SRD5A2: variants seen among roughly 807,000 people sequenced by gnomAD.
The protein encoded by SRD5A2 is 3-oxo-5-alpha-steroid 4-dehydrogenase 2.
In SRD5A2, 30 loss-of-function variants were observed where a neutral mutation model predicts 27.4. The ratio of observed to expected loss-of-function variants is 1.10; its 90% CI spans 0.82 to 1.49. The LOEUF (loss-of-function observed/expected upper bound fraction) is 1.49, where lower values mean the gene tolerates loss of function less well. SRD5A2 is among the 40% of genes most tolerant of loss of function. SRD5A2 has a pLI of 0.00. For synonymous variants in SRD5A2, 141 were observed against 133.6 expected (o/e 1.06, Z -0.38); for missense variants, 348 against 323.4 (o/e 1.08, Z -0.58).
At chr2:31,602,967 A>G in the SRD5A2 span, among the ~76,000 whole-genome samples, 6 of 152,076 alleles carry the variant, frequency 3.9e-5, no homozygotes, top group African/African-American at 7.2e-5. Flanking sequence ...AAAACCCTAG[A>G]AAAAAACCTA....
the SRD5A2 span, among the ~76,000 whole-genome samples, chr2:31,589,031 G>A: frequency 6.6e-6 from 1 of 152,132 alleles, no homozygotes; most frequent in African/African-American, 2.4e-5. Flanking sequence ...CTATGAGACA[G>A]CCAAAAAACT....
chr2:31,608,396 T>TA, the SRD5A2 span, among the ~76,000 whole-genome samples: 1 of 151,458 alleles, frequency 6.6e-6, no homozygotes, highest in Non-Finnish European at 1.5e-5. Context: ...AGATAAAATC[T>TA]AAAAAATAAT....
At chr2:31,641,261 C>G in the SRD5A2 span, among the ~76,000 whole-genome samples, 2 of 151,914 alleles carry the variant, frequency 1.3e-5, no homozygotes, top group East Asian at 3.9e-4. Flanking sequence ...CAAAGATATA[C>G]AGAGTAAAAA....
chr2:31,563,401 T>C (rs774163419), intron 1 of SRD5A2: 1 of 151,882 alleles, frequency 6.6e-6, no homozygotes, highest in African/African-American at 2.4e-5. Context: ...AGGTAAGTTA[T>C]ATGAAATAAT....
intron 1 of SRD5A2, among the ~76,000 whole-genome samples, chr2:31,538,998 A>G (rs1314271334): frequency 6.6e-6 from 1 of 152,256 alleles, no homozygotes; most frequent in Non-Finnish European, 1.5e-5. Flanking sequence ...AGTGGCACAC[A>G]TCATACGCAT....
intron 1 of SRD5A2, among the ~76,000 whole-genome samples, chr2:31,565,678 G>A (rs530978105): frequency 1.3e-5 from 2 of 151,988 alleles, no homozygotes; most frequent in South Asian, 2.1e-4. Context: ...CTGTCTCTAT[G>A]CATGTAATAA....
chr2:31,528,720 C>T (rs756876535), intron 4 of SRD5A2, among the ~76,000 whole-genome samples: 1 of 152,060 alleles, frequency 6.6e-6, no homozygotes, highest in African/African-American at 2.4e-5. Context: ...GAGGCAAGAT[C>T]GCCCCATTGC....
At chr2:31,661,189 G>A in the SRD5A2 span, among the ~76,000 whole-genome samples, 5 of 152,056 alleles carry the variant, frequency 3.3e-5, no homozygotes, top group African/African-American at 4.8e-5. Context: ...AGATACCACC[G>A]GAATCTGGCC....
the SRD5A2 span, among the ~76,000 whole-genome samples, chr2:31,614,292 G>A: frequency 6.6e-6 from 1 of 152,148 alleles, no homozygotes; most frequent in African/African-American, 2.4e-5. Context: ...CAAAACACAG[G>A]GACTGCAGGT....
At chr2:31,532,259 G>A (rs1665923723) in intron 2 of SRD5A2, among the ~76,000 whole-genome samples, 1 of 151,836 alleles carries the variant, frequency 6.6e-6, no homozygotes, top group African/African-American at 2.4e-5. Flanking sequence ...CTATTATATG[G>A]TTTTCTGAAC....
chr2:31,643,217 T>C, the SRD5A2 span, among the ~76,000 whole-genome samples: 2 of 152,150 alleles, frequency 1.3e-5, no homozygotes, highest in Non-Finnish European at 2.9e-5. Context: ...AATTGTTACA[T>C]TTGCTTTGCA....
chr2:31,599,019 T>C, the SRD5A2 span, among the ~76,000 whole-genome samples: 1 of 151,968 alleles, frequency 6.6e-6, no homozygotes, highest in Non-Finnish European at 1.5e-5. Context: ...GCAGAAGTGC[T>C]ATACTTATAT....
At chr2:31,543,086 C>A (rs1469160111) in intron 1 of SRD5A2, among the ~76,000 whole-genome samples, 1 of 152,036 alleles carries the variant, frequency 6.6e-6, no homozygotes, top group Non-Finnish European at 1.5e-5. Flanking sequence ...CAAGCATCTG[C>A]AATAAGATTA....
At chr2:31,611,789 C>T in the SRD5A2 span, among the ~76,000 whole-genome samples, 1 of 152,158 alleles carries the variant, frequency 6.6e-6, no homozygotes, top group South Asian at 2.1e-4. Flanking sequence ...TACCCTAAGA[C>T]CCAGAAATTT....
the SRD5A2 span, among the ~76,000 whole-genome samples, chr2:31,631,056 CA>C: frequency 2.6e-5 from 4 of 152,178 alleles, no homozygotes; most frequent in Admixed American, 6.5e-5. Flanking sequence ...CTTACAGAAT[CA>C]AAAAGACTTT....
the SRD5A2 span, among the ~76,000 whole-genome samples, chr2:31,646,175 A>G: frequency 6.6e-6 from 1 of 152,146 alleles, no homozygotes; most frequent in Non-Finnish European, 1.5e-5. Context: ...GCACACACAC[A>G]CACACGCACA....
the SRD5A2 span, among the ~76,000 whole-genome samples, chr2:31,617,832 A>AACT: frequency 6.6e-6 from 1 of 152,220 alleles, no homozygotes; most frequent in Non-Finnish European, 1.5e-5. Context: ...AGTCTCTAGG[A>AACT]AGTTCCAAAC....
chr2:31,631,351 C>T, the SRD5A2 span, among the ~76,000 whole-genome samples: 3 of 152,136 alleles, frequency 2.0e-5, no homozygotes, highest in African/African-American at 7.2e-5. Context: ...ATCCGATAAG[C>T]AGAGGTCCAT....
the SRD5A2 span, among the ~76,000 whole-genome samples, chr2:31,659,944 TTG>T: frequency 6.6e-6 from 1 of 152,144 alleles, no homozygotes; most frequent in African/African-American, 2.4e-5. Context: ...TATGTTTCAT[TTG>T]TGTTAGTTTC....
Sources: allele counts gnomAD v4.1 joint callset (sites outside exome capture counted in the v4.1 genomes callset), GRCh38; gene constraint gnomAD v4.1.1; transcripts MANE v1.5; gene names NCBI Gene and HGNC (gene_info 2026-07-23, HGNC 2026-07-21).